ZFHX3: variants seen among roughly 807,000 people sequenced by gnomAD.
ZFHX3 encodes the protein zinc finger homeobox 3.
ZFHX3 carries 42 observed loss-of-function variants against 279.1 expected under a neutral mutation model. That is an observed-to-expected ratio of 0.15 (90% confidence interval 0.12 to 0.19). The LOEUF (loss-of-function observed/expected upper bound fraction) is 0.19. Among genes scored for constraint, ZFHX3 ranks in the 10% least tolerant of loss-of-function variants. The probability of loss-of-function intolerance (pLI) is 1.00; values close to 1 mark genes in which losing one functional copy is unlikely to be tolerated. For missense variants in ZFHX3, 4,981 were observed against 4,754.0 expected (o/e 1.05, Z -1.40); for synonymous variants, 2,293 against 1,957.8 (o/e 1.17, Z -4.52).
At position 72,951,077 on chromosome 16, in the gene ZFHX3, T is replaced by C. The variant is rs1384448693; in HGVS notation, c.2720-112A>G. The C allele has an allele frequency of 1.8e-5, 26 of 1,458,952 alleles. No homozygotes were observed. In the East Asian group the frequency reaches 6.0e-4, roughly 33 times the overall value. The allele number at this position is 1,458,952 out of a possible 1,614,324, so 90.4% of individuals were successfully genotyped here. A position where few individuals can be genotyped will look rare whatever the true frequency, so the allele number is the denominator to read the frequency against. On this transcript the variant is annotated intron_variant, in intron 2 of 9. Coordinates refer to ENST00000268489, the MANE Select transcript of ZFHX3 (RefSeq NM_006885.4). The stretch of plus-strand genomic sequence containing the variant: ...TCAACTGGGGTCCAAAAGGAGAAGA[T>C]GACATTTCAAGTGTTGCAAAGGGCT...
chr16:73,182,142 A>G (rs573312759), intron 5 of ZFHX3, among the ~76,000 whole-genome samples: 1 of 152,194 alleles, frequency 6.6e-6, no homozygotes, highest in African/African-American at 2.4e-5. Context: ...CAACTAGAGC[A>G]TTCAGAAGCT....
At chr16:73,390,867 C>A (rs747664815) in intron 3 of ZFHX3, among the ~76,000 whole-genome samples, 1 of 152,056 alleles carries the variant, frequency 6.6e-6, no homozygotes, top group Non-Finnish European at 1.5e-5. Context: ...ATTAAACAAC[C>A]CCCCCAAAAG....
intron 3 of ZFHX3, among the ~76,000 whole-genome samples, chr16:73,417,927 T>C (rs2017624921): frequency 7.1e-6 from 1 of 139,988 alleles, no homozygotes; most frequent in Admixed American, 7.9e-5. Flanking sequence ...AGGCGGAGCT[T>C]GCAGTGAGCT....
At chr16:73,261,405 G>C (rs2013819558) in intron 4 of ZFHX3, among the ~76,000 whole-genome samples, 1 of 152,146 alleles carries the variant, frequency 6.6e-6, no homozygotes, top group East Asian at 1.9e-4. Context: ...GGATTGGGTA[G>C]CATGGGGAAC....
At chr16:73,847,127 C>A (rs968640512) in intron 1 of ZFHX3, among the ~76,000 whole-genome samples, 4 of 151,932 alleles carry the variant, frequency 2.6e-5, no homozygotes, top group Non-Finnish European at 4.4e-5. Flanking sequence ...CATGGTGAAA[C>A]CCCATCTCTA....
At chr16:73,339,189 A>G (rs994956637) in intron 3 of ZFHX3, among the ~76,000 whole-genome samples, 3 of 152,188 alleles carry the variant, frequency 2.0e-5, no homozygotes, top group African/African-American at 7.2e-5. Context: ...TTTAAGTCTC[A>G]TCTCTTCCAA....
chr16:73,679,671 C>A (rs1597061979), intron 2 of ZFHX3: 1 of 152,156 alleles, frequency 6.6e-6, no homozygotes, highest in Non-Finnish European at 1.5e-5. Context: ...GATTTCCTTA[C>A]TATTGTATCT....
intron 3 of ZFHX3, among the ~76,000 whole-genome samples, chr16:73,356,863 A>G (rs1287610547): frequency 6.9e-6 from 1 of 144,714 alleles, no homozygotes. Context: ...CTTCCTGGCC[A>G]TGGGAGTACA....
At chr16:73,662,557 G>A (rs1273383372) in intron 2 of ZFHX3, among the ~76,000 whole-genome samples, 2 of 152,062 alleles carry the variant, frequency 1.3e-5, no homozygotes, top group African/African-American at 4.8e-5. Context: ...AAATAAACCA[G>A]CCACAGCCTT....
chr16:73,553,086 T>C (rs1293678986), intron 2 of ZFHX3, among the ~76,000 whole-genome samples: 1 of 152,178 alleles, frequency 6.6e-6, no homozygotes, highest in African/African-American at 2.4e-5. Flanking sequence ...ATGTATGCCA[T>C]TTGCTCATTG....
intron 2 of ZFHX3, among the ~76,000 whole-genome samples, chr16:73,592,728 T>C (rs965398363): frequency 5.0e-5 from 6 of 121,206 alleles, no homozygotes; most frequent in Admixed American, 9.7e-5. Context: ...TTGGAATTTT[T>C]CATAATAAAA....
chr16:73,879,280 T>C (rs1597155590), intron 1 of ZFHX3, among the ~76,000 whole-genome samples: 1 of 133,254 alleles, frequency 7.5e-6, no homozygotes, highest in South Asian at 2.3e-4. Context: ...CAGGAGCAGG[T>C]GGAGAAAAAA....
chr16:73,432,794 TTC>T (rs2017931477), intron 3 of ZFHX3, among the ~76,000 whole-genome samples: 3 of 152,158 alleles, frequency 2.0e-5, no homozygotes, highest in Admixed American at 2.0e-4. Flanking sequence ...CTTCTTTTTT[TTC>T]TACCTTGGGC....
chr16:73,354,625 T>C (rs1002478984), intron 3 of ZFHX3, among the ~76,000 whole-genome samples: 1 of 152,220 alleles, frequency 6.6e-6, no homozygotes, highest in Non-Finnish European at 1.5e-5. Flanking sequence ...GCAAGCTCTT[T>C]CTGCCCCAAA....
At chr16:72,791,143 G>GT (rs1305766879) in intron 9 of ZFHX3, 1 of 152,146 alleles carries the variant, frequency 6.6e-6, no homozygotes, top group African/African-American at 2.4e-5. Flanking sequence ...CACATCAGAC[G>GT]TGTGACCCTG....
At chr16:73,705,657 C>G (rs916487806) in intron 1 of ZFHX3, among the ~76,000 whole-genome samples, 3 of 152,198 alleles carry the variant, frequency 2.0e-5, no homozygotes, top group African/African-American at 7.2e-5. Context: ...CCCATACTCA[C>G]TGAGTTGCCC....
rs528288102 is a variant in ZFHX3 at position 73,571,648 on chromosome 16, A to T, written c.-1547+108532T>A. ...TATTAAAATAGAATTAATTTTTTTT[A>T]AAAAACCTTCAATAATAATTACAAT... On this transcript the variant is annotated intron_variant, in intron 2 of 17. Transcript: ENST00000641206. 5.9e-3 allele frequency among the ~76,000 whole-genome samples: 575 copies of T among 97,750 alleles called. 10 individuals are homozygous for T. Among genetic ancestry groups the T allele is most frequent in the African/African-American group, 0.026 (540 of 21,138 alleles). The allele number at this position is 97,750 out of a possible 152,430, so 64.1% of individuals were successfully genotyped here. A position where few individuals can be genotyped will look rare whatever the true frequency, so the allele number is the denominator to read the frequency against.
intron 4 of ZFHX3, among the ~76,000 whole-genome samples, chr16:72,875,091 T>C (rs1261278620): frequency 2.0e-5 from 3 of 152,204 alleles, no homozygotes; most frequent in Admixed American, 6.5e-5. Flanking sequence ...GGGCCAGTGT[T>C]TGTTCCGTTT....
intron 1 of ZFHX3, among the ~76,000 whole-genome samples, chr16:72,970,284 TATA>T (rs1287231379): frequency 6.6e-6 from 1 of 151,862 alleles, no homozygotes; most frequent in Non-Finnish European, 1.5e-5. Flanking sequence ...AACCCATGAA[TATA>T]ATAATAAAAA....
Sources: allele counts gnomAD v4.1 joint callset (sites outside exome capture counted in the v4.1 genomes callset), GRCh38; gene constraint gnomAD v4.1.1; transcripts MANE v1.5; gene names NCBI Gene and HGNC (gene_info 2026-07-23, HGNC 2026-07-21).